ZFYVE16: variants seen among roughly 807,000 people sequenced by gnomAD.
The protein encoded by ZFYVE16 is zinc finger FYVE domain-containing protein 16.
Under a neutral mutation model 138.1 loss-of-function variants are expected in ZFYVE16, and 89 were observed. The ratio of observed to expected loss-of-function variants is 0.64; its 90% CI spans 0.54 to 0.77. The LOEUF is 0.77. Among genes scored for constraint, ZFYVE16 ranks in the 30% least tolerant of loss-of-function variants. ZFYVE16 has a pLI of 0.00. For missense variants in ZFYVE16, 1,793 were observed against 1,786.7 expected (o/e 1.00, Z -0.06); for synonymous variants, 596 against 618.3 (o/e 0.96, Z 0.53).
At chr5:80,454,327 T>C (rs1443365204) in intron 11 of ZFYVE16, 2 of 152,178 alleles carry the variant, frequency 1.3e-5, no homozygotes, top group African/African-American at 4.8e-5. Flanking sequence ...CTGTGTCTTA[T>C]CACTATAGAA....
intron 1 of ZFYVE16, among the ~76,000 whole-genome samples, chr5:80,417,315 T>C (rs1746401283): frequency 6.6e-6 from 1 of 152,226 alleles, no homozygotes; most frequent in South Asian, 2.1e-4. Flanking sequence ...ATTTGGAATA[T>C]AGTTAGACTT....
Position 80,449,664 on chromosome 5 carries a change from T to TA in ZFYVE16, c.3178dup (p.Thr1060AsnfsTer7). On this transcript the variant is annotated frameshift_variant, in exon 9 of 19. Coordinates refer to ENST00000505560, the MANE Select transcript of ZFYVE16 (RefSeq NM_001284236.3). LOFTEE classifies it high-confidence loss of function. ...TTGAAGGTGAAAGCTTTCATCCTGT[T>TA]ACATTTGTCCTAAATGCTAATCTAC... is the stretch of plus-strand genomic sequence containing the variant. 1 of 1,610,138 alleles carries TA rather than the reference T, an allele frequency of 6.2e-7. No individual in the cohort carries two copies. The highest frequency in any genetic ancestry group is 8.5e-7 in the Non-Finnish European group (1 of 1,178,180).
In ZFYVE16 at chr5:80,414,805, A is replaced by G. The variant is rs562127267; in HGVS notation, c.-94+6652A>G. Among the ~76,000 whole-genome samples the G allele has an allele frequency of 9.8e-5, 15 of 152,338 alleles. No individual in the cohort carries two copies. The East Asian group carries it at 2.9e-3, about 29-fold the overall frequency. ...AGTAAATAACTGCTTTAGAAAAGAG[A>G]AAAAAGAGCAGGCTGGGGTGGGAAG... On this transcript the variant is annotated intron_variant, in intron 1 of 18. Coordinates refer to ENST00000505560, the MANE Select transcript of ZFYVE16 (RefSeq NM_001284236.3).
In ZFYVE16 at chr5:80,440,329, A is replaced by G. The variant is rs368225515; in HGVS notation, c.2419+297A>G. 52 of 1,043,384 alleles carry G rather than the reference A, an allele frequency of 5.0e-5. 1 individual carries two copies. In the East Asian group the frequency reaches 1.3e-3, roughly 26 times the overall value. The allele number at this position is 1,043,384 out of a possible 1,614,324, so 64.6% of individuals were successfully genotyped here. A position where few individuals can be genotyped will look rare whatever the true frequency, so the allele number is the denominator to read the frequency against. ...CTGCCTATTTGTTTTTGTCATCATCATTGTCATGTTAATCATCTTAATCTA... is the reference window on the plus strand; with the variant it reads ...CTGCCTATTTGTTTTTGTCATCATCGTTGTCATGTTAATCATCTTAATCTA... On this transcript the variant is annotated intron_variant, in intron 5 of 18. Coordinates refer to ENST00000505560, the MANE Select transcript of ZFYVE16 (RefSeq NM_001284236.3).
rs973410385 is a variant in ZFYVE16 at position 80,459,328 on chromosome 5, T to C, written c.3944-86T>C. The C allele has an allele frequency of 1.7e-5, 18 of 1,073,860 alleles. No individual in the cohort carries two copies. In the East Asian group the frequency reaches 1.9e-4, roughly 11 times the overall value. The allele number at this position is 1,073,860 out of a possible 1,614,324, so 66.5% of individuals were successfully genotyped here. A position where few individuals can be genotyped will look rare whatever the true frequency, so the allele number is the denominator to read the frequency against. On this transcript the variant is annotated intron_variant, in intron 14 of 18. Transcript: ENST00000505560. ...GGGTATAACATTTATTGAGTACTTA[T>C]ATGCATATCCACATTCTGCATTTAA...
intron 1 of ZFYVE16, among the ~76,000 whole-genome samples, chr5:80,417,889 C>G (rs144120200): frequency 0.01 from 1,550 of 152,268 alleles, 25 homozygotes; most frequent in African/African-American, 0.034. Flanking sequence ...TTGTAAGAGA[C>G]CGCCAAATAG....
In ZFYVE16 at chr5:80,478,288, T is replaced by C. The variant is rs1303270551; in HGVS notation, c.*911T>C. ...AGCAATAAATGAAGCCTGAAACAGG[T>C]TTTTTTACTTCCACTTTAATCCTTA... On this transcript the variant is annotated 3_prime_UTR_variant, in exon 19 of 19. Transcript: ENST00000505560. 1.3e-5 allele frequency: 2 copies of C among 152,074 alleles called. No homozygotes were observed. Among genetic ancestry groups the C allele is most frequent in the Non-Finnish European group, 2.9e-5 (2 of 67,950 alleles). 9.4% of individuals were successfully genotyped at this position (152,074 alleles called of 1,614,324 possible).
At chr5:80,424,723 A>G (rs1355601541) in intron 1 of ZFYVE16, among the ~76,000 whole-genome samples, 1 of 152,120 alleles carries the variant, frequency 6.6e-6, no homozygotes, top group African/African-American at 2.4e-5. Flanking sequence ...TGGCCTCCCA[A>G]AGTGTTGGGA....
At position 80,481,148 on chromosome 5, in the gene ZFYVE16, C is replaced by T. The variant is rs893294075; in HGVS notation, c.*3771C>T. Among the ~76,000 whole-genome samples, 2 of 152,142 alleles carry T rather than the reference C, an allele frequency of 1.3e-5. No individual in the cohort carries two copies. Among genetic ancestry groups the T allele is most frequent in the Admixed American group, 1.3e-4 (2 of 15,264 alleles). On this transcript the variant is annotated 3_prime_UTR_variant, in exon 19 of 19. Transcript: ENST00000505560. The stretch of plus-strand genomic sequence containing the variant: ...ATGACTTGGAACCTTCTGGACTTTC[C>T]TTGCTCTACATCAATCCCGCAGCAG...
intron 15 of ZFYVE16, among the ~76,000 whole-genome samples, chr5:80,460,719 A>G (rs1482474007): frequency 6.6e-6 from 1 of 152,130 alleles, no homozygotes; most frequent in Non-Finnish European, 1.5e-5. Context: ...TTGCACAAGA[A>G]TCCATTTCTG....
chr5:80,433,513 C>G (rs1178259306), intron 2 of ZFYVE16, among the ~76,000 whole-genome samples: 1 of 151,980 alleles, frequency 6.6e-6, no homozygotes, highest in African/African-American at 2.4e-5. Context: ...GTGCAGCACA[C>G]CAACATGGGA....
chr5:80,420,915 G>A (rs1275057394), intron 1 of ZFYVE16, among the ~76,000 whole-genome samples: 1 of 152,202 alleles, frequency 6.6e-6, no homozygotes, highest in Non-Finnish European at 1.5e-5. Context: ...CCCACCAACA[G>A]TGTAAAAGTG....
chr5:80,420,949 C>T (rs1192458536), intron 1 of ZFYVE16, among the ~76,000 whole-genome samples: 1 of 152,208 alleles, frequency 6.6e-6, no homozygotes, highest in African/African-American at 2.4e-5. Flanking sequence ...ACATCCTCTC[C>T]AGCACCTGTT....
intron 7 of ZFYVE16, among the ~76,000 whole-genome samples, chr5:80,447,671 A>G (rs909150486): frequency 3.3e-5 from 5 of 152,092 alleles, no homozygotes; most frequent in Non-Finnish European, 4.4e-5. Flanking sequence ...GTTTTTGGCT[A>G]TCATAAGAAG....
chr5:80,451,631 C>T lies in ZFYVE16; in HGVS notation c.3529C>T (p.Leu1177Phe), dbSNP rs1277323659. 1 of 1,613,828 alleles carries T rather than the reference C, an allele frequency of 6.2e-7. No individual in the cohort carries two copies. ...LPSNPFLCGI[L>F]IQKLEIPWAK... ...AAGTAATCCTTTTCTTTGTGGAATT[C>T]TTATCCAGAAGCTTGAGATTCCCTG... The change falls in exon 11 of 19, where the codon CTT becomes TTT. Residue 1177 changes from leucine to phenylalanine, a missense_variant. Around this residue, in one of 2 missense-constraint regions of ZFYVE16, gnomAD observed 498 missense variants for 582.4 expected, o/e 0.86. Transcript: ENST00000505560.
At chr5:80,451,998 C>A (rs1427511274) in intron 11 of ZFYVE16, 3 of 276,130 alleles carry the variant, frequency 1.1e-5, no homozygotes, top group Non-Finnish European at 2.0e-5. Context: ...TATGCCATAT[C>A]TGAAATGTAT....
chr5:80,434,700 G>C (rs954147187), intron 3 of ZFYVE16, among the ~76,000 whole-genome samples: 3 of 151,868 alleles, frequency 2.0e-5, no homozygotes, highest in Admixed American at 6.6e-5. Context: ...CGAATTCCGG[G>C]GTTCAAGTGA....
Position 80,449,739 on chromosome 5 carries a change from C to G in ZFYVE16, c.3226+26C>G, listed in dbSNP as rs778933449. The G allele has an allele frequency of 4.4e-5, 69 of 1,562,348 alleles. 1 individual carries two copies. In the South Asian group the frequency reaches 8.1e-4, roughly 18 times the overall value. On this transcript the variant is annotated intron_variant, in intron 9 of 18. Coordinates refer to ENST00000505560, the MANE Select transcript of ZFYVE16 (RefSeq NM_001284236.3). ...GTAAGTAATAATTTATCCTTATTTG[C>G]TTAATTGGTAAGCAGGATTTCTGAA...
At chr5:80,427,233 G>GAT (rs1285546653) in intron 1 of ZFYVE16, among the ~76,000 whole-genome samples, 1 of 151,988 alleles carries the variant, frequency 6.6e-6, no homozygotes, top group African/African-American at 2.4e-5. Context: ...CCTTGGGTAG[G>GAT]ATAAATTCTT....
Sources: gnomAD v4.1 joint callset for allele counts (sites outside exome capture counted in the v4.1 genomes callset) on GRCh38, gnomAD v4.1.1 for gene constraint, gnomAD v4.1.1 regional missense constraint, MANE v1.5 for transcripts, NCBI Gene and HGNC (gene_info 2026-07-23, HGNC 2026-07-21) for gene names.